The following DCC variants were observed in gnomAD, a reference collection of about 807,000 sequenced individuals.
DCC encodes DCC netrin 1 receptor, also known as netrin receptor DCC.
DCC carries 58 observed loss-of-function variants against 172.5 expected under a neutral mutation model. The ratio of observed to expected loss-of-function variants is 0.34; its 90% CI spans 0.27 to 0.42. The LOEUF (loss-of-function observed/expected upper bound fraction) is 0.42, where lower values mean the gene tolerates loss of function less well. Ranked by LOEUF, DCC falls within the 10% of genes least tolerant of loss-of-function variation. The pLI is 1.00. For missense variants in DCC, 1,740 were observed against 1,791.0 expected (o/e 0.97, Z 0.51); for synonymous variants, 709 against 644.5 (o/e 1.10, Z -1.52).
intron 5 of DCC, among the ~76,000 whole-genome samples, chr18:53,048,579 A>G (rs899065454): frequency 1.3e-5 from 2 of 150,810 alleles, no homozygotes; most frequent in East Asian, 3.9e-4. Flanking sequence ...ATGTGTGTGT[A>G]TATATATACG....
chr18:53,105,544 G>T (rs2043232686), intron 7 of DCC, among the ~76,000 whole-genome samples: 1 of 151,968 alleles, frequency 6.6e-6, no homozygotes, highest in Admixed American at 6.6e-5. Flanking sequence ...GACTACACAA[G>T]TAGGATCTAA....
intron 1 of DCC, among the ~76,000 whole-genome samples, chr18:52,597,145 T>C (rs1300660325): frequency 6.6e-6 from 1 of 152,178 alleles, no homozygotes; most frequent in Non-Finnish European, 1.5e-5. Context: ...CAATTCCATC[T>C]CCTAAAGTCA....
At chr18:52,761,857 C>T (rs1358488450) in intron 2 of DCC, among the ~76,000 whole-genome samples, 2 of 139,304 alleles carry the variant, frequency 1.4e-5, no homozygotes, top group African/African-American at 2.8e-5. Context: ...TGCAGTGAGC[C>T]GAGATAGCGC....
intron 22 of DCC, among the ~76,000 whole-genome samples, 199 bp from the exon 23 acceptor site, chr18:53,450,301 G>A (rs1256238358): frequency 6.6e-6 from 1 of 151,922 alleles, no homozygotes; most frequent in African/African-American, 2.4e-5. Context: ...AAGGTTTTTT[G>A]TGCAGGCATA....
chr18:52,481,696 C>T (rs1172752719), intron 1 of DCC, among the ~76,000 whole-genome samples: 1 of 152,050 alleles, frequency 6.6e-6, no homozygotes, highest in Non-Finnish European at 1.5e-5. Flanking sequence ...AATGTTGGAA[C>T]TCTAACAGTG....
At chr18:52,798,969 G>A (rs778515456) in intron 2 of DCC, among the ~76,000 whole-genome samples, 18 of 151,462 alleles carry the variant, frequency 1.2e-4, no homozygotes, top group Non-Finnish European at 1.0e-4. Context: ...GGCTGGTCTC[G>A]AACTCCTGAC....
chr18:52,828,018 G>A (rs1296037636), intron 2 of DCC, among the ~76,000 whole-genome samples: 2 of 151,956 alleles, frequency 1.3e-5, no homozygotes, highest in Non-Finnish European at 2.9e-5. Context: ...TTACACAGAG[G>A]TCACACAAAT....
At chr18:53,036,885 C>G (rs1171692325) in intron 5 of DCC, among the ~76,000 whole-genome samples, 2 of 151,918 alleles carry the variant, frequency 1.3e-5, no homozygotes, top group African/African-American at 2.4e-5. Flanking sequence ...ATCCTGGGTA[C>G]AATTGAATCC....
intron 1 of DCC, among the ~76,000 whole-genome samples, chr18:52,656,597 G>A (rs577357408): frequency 1.3e-5 from 2 of 152,266 alleles, no homozygotes; most frequent in African/African-American, 4.8e-5. Flanking sequence ...AGAGAAGTGG[G>A]AAGTGGTATC....
At chr18:53,007,769 A>G (rs546373972) in intron 5 of DCC, among the ~76,000 whole-genome samples, 1 of 152,286 alleles carries the variant, frequency 6.6e-6, no homozygotes, top group Admixed American at 6.5e-5. Flanking sequence ...CAGGAAATTA[A>G]TATGAACATT....
intron 1 of DCC, among the ~76,000 whole-genome samples, chr18:52,533,618 AGTTT>A (rs1419707550): frequency 4.6e-5 from 7 of 152,132 alleles, no homozygotes; most frequent in African/African-American, 7.2e-5. Context: ...CAAATACCAC[AGTTT>A]GTTTAACCAT....
chr18:53,110,580 T>C lies in DCC; in HGVS notation c.1261+44414T>C, dbSNP rs184555440. ...AAAAACAAACAACCCTATCAAAAATTGGGCGAAGGACATGAACAGACACTT... is the reference window on the plus strand; with the variant it reads ...AAAAACAAACAACCCTATCAAAAATCGGGCGAAGGACATGAACAGACACTT... On this transcript the variant is annotated intron_variant, in intron 7 of 28. Transcript: ENST00000442544. 6.9e-3 allele frequency among the ~76,000 whole-genome samples: 1,052 copies of C among 151,668 alleles called. 12 individuals are homozygous for C. Among genetic ancestry groups the C allele is most frequent in the Middle Eastern group, 0.031 (9 of 294 alleles).
chr18:53,166,404 A>C (rs2054922736), intron 8 of DCC, among the ~76,000 whole-genome samples: 1 of 152,146 alleles, frequency 6.6e-6, no homozygotes, highest in Admixed American at 6.6e-5. Context: ...ATGTATCAGG[A>C]ATGTGTCAGC....
chr18:52,707,367 A>G (rs1410750424), intron 1 of DCC, among the ~76,000 whole-genome samples: 3 of 152,206 alleles, frequency 2.0e-5, no homozygotes, highest in Admixed American at 1.3e-4. Flanking sequence ...TTGGCAAAAC[A>G]TATGTCATTT....
At chr18:53,111,425 C>T (rs1256056079) in intron 7 of DCC, among the ~76,000 whole-genome samples, 1 of 92,538 alleles carries the variant, frequency 1.1e-5, no homozygotes, top group African/African-American at 4.7e-5. Flanking sequence ...TAAAAAAAGA[C>T]AAAAAAAAGA....
At chr18:53,070,773 C>T (rs1467109860) in intron 7 of DCC, among the ~76,000 whole-genome samples, 2 of 152,142 alleles carry the variant, frequency 1.3e-5, no homozygotes, top group East Asian at 1.9e-4. Flanking sequence ...AATCCGAAAG[C>T]GTGACAGGAC....
At chr18:52,656,162 G>A (rs1480861634) in intron 1 of DCC, among the ~76,000 whole-genome samples, 1 of 150,638 alleles carries the variant, frequency 6.6e-6, no homozygotes, top group African/African-American at 2.4e-5. Flanking sequence ...TGGTCTAAAT[G>A]TTTGTGTTCC....
chr18:53,345,465 T>C (rs1208769984), intron 15 of DCC, among the ~76,000 whole-genome samples: 1 of 152,146 alleles, frequency 6.6e-6, no homozygotes, highest in Non-Finnish European at 1.5e-5. Context: ...CATTAGACAG[T>C]CTTATATATT....
intron 25 of DCC, among the ~76,000 whole-genome samples, chr18:53,475,952 C>G (rs551299557): frequency 6.6e-6 from 1 of 152,196 alleles, no homozygotes; most frequent in Non-Finnish European, 1.5e-5. Context: ...GGGAACCCAC[C>G]TCTTGCATCA....
Sources: allele counts gnomAD v4.1 joint callset (sites outside exome capture counted in the v4.1 genomes callset), GRCh38; gene constraint gnomAD v4.1.1; transcripts MANE v1.5; gene names NCBI Gene and HGNC (gene_info 2026-07-23, HGNC 2026-07-21).